Variants in PPP4R1 observed in about 807,000 individuals in gnomAD.
PPP4R1 encodes serine/threonine-protein phosphatase 4 regulatory subunit 1.
In PPP4R1, 42 loss-of-function variants were observed where a neutral mutation model predicts 111.2. The ratio of observed to expected loss-of-function variants is 0.38; its 90% CI spans 0.29 to 0.49. The LOEUF (loss-of-function observed/expected upper bound fraction) is 0.49, where lower values mean the gene tolerates loss of function less well. Ranked by LOEUF, PPP4R1 falls within the 20% of genes least tolerant of loss-of-function variation. The pLI is 0.97. For synonymous variants in PPP4R1, 409 were observed against 405.5 expected (o/e 1.01, Z -0.10); for missense variants, 1,012 against 1,161.6 (o/e 0.87, Z 1.87).
At chr18:9,606,742 C>T (rs990590843) in intron 2 of PPP4R1, among the ~76,000 whole-genome samples, 4 of 151,810 alleles carry the variant, frequency 2.6e-5, no homozygotes, top group Non-Finnish European at 4.4e-5. Context: ...ACAGTAGTGG[C>T]ATGTTTATCT....
chr18:9,568,855 G>A (rs1598910323), intron 11 of PPP4R1, among the ~76,000 whole-genome samples: 1 of 152,136 alleles, frequency 6.6e-6, no homozygotes, highest in Non-Finnish European at 1.5e-5. Flanking sequence ...GGCCAATATG[G>A]TGAAACCTGT....
Position 9,570,354 on chromosome 18 carries a change from C to A in PPP4R1, c.1376G>T (p.Trp459Leu). 6.2e-7 allele frequency: 1 copy of A among 1,611,442 alleles called. No individual in the cohort carries two copies. Among genetic ancestry groups the A allele is most frequent in the Non-Finnish European group, 8.5e-7 (1 of 1,178,870 alleles). The change falls in exon 11 of 20, where the codon TGG becomes TTG. Residue 459 changes from tryptophan (W) to leucine (L), a missense_variant. Transcript: ENST00000400556. ...ATCTATTTCAGGAAGAGGAGTCCTC[C>A]AGAAATGGAAGGAGTTATACAATTC... ...DQELYNSFHF[W>L]RTPLPEIDLD... is the part of the protein sequence containing the mutation.
In PPP4R1 at chr18:9,583,189, T is replaced by C. The variant is rs369829971; in HGVS notation, c.846A>G (p.Ala282=). Residue 282 remains alanine (A), a synonymous_variant, in exon 9 of 20, where the codon GCA becomes GCG. Transcript: ENST00000400556. ...TGGTCCGTCGGATTTCTTGACATGT[T>C]GCACATGAAACCGCCATGAAGCATT... ...CAECFMAVSC[A]TCQEIRRTKL... is the part of the protein sequence containing the mutation. 1.1e-5 allele frequency: 17 copies of C among 1,612,170 alleles called. No homozygotes were observed. In the African/African-American group the frequency reaches 1.9e-4, roughly 18 times the overall value.
rs571133731 is a variant in PPP4R1, at chr18:9,579,462, C to T, written c.919-2271G>A. ...CTTCCCCAAATGGCTTAACATTGTTCGGACAAAAGACTATCTTGTCTTTTT... is the reference window on the plus strand; with the variant it reads ...CTTCCCCAAATGGCTTAACATTGTTTGGACAAAAGACTATCTTGTCTTTTT... On this transcript the variant is annotated intron_variant, in intron 9 of 19. Coordinates refer to ENST00000400556, the MANE Select transcript of PPP4R1 (RefSeq NM_001042388.3). Among the ~76,000 whole-genome samples the T allele has an allele frequency of 5.9e-5, 9 of 151,924 alleles. No homozygotes were observed. The East Asian group carries it at 7.7e-4, about 13-fold the overall frequency.
Position 9,564,823 on chromosome 18 carries a change from CTT to C in PPP4R1, c.1574-1275_1574-1274del, listed in dbSNP as rs35434912. 2.2e-3 allele frequency among the ~76,000 whole-genome samples: 306 copies of C among 141,710 alleles called. 1 individual carries two copies. The highest frequency in any genetic ancestry group is 3.8e-3 in the Non-Finnish European group (251 of 65,452). 93.0% of individuals were successfully genotyped at this position (141,710 alleles called of 152,430 possible). A position where few individuals can be genotyped will look rare whatever the true frequency, so the allele number is the denominator to read the frequency against. ...GCACTTTGTAGATACTACACTTTGG[CTT>C]TTTTTTTTTTTCTTTAAAGAGGTGA... On this transcript the variant is annotated intron_variant, in intron 11 of 19. Coordinates refer to ENST00000400556, the MANE Select transcript of PPP4R1 (RefSeq NM_001042388.3).
At chr18:9,605,703 G>C (rs2145332614) in intron 2 of PPP4R1, among the ~76,000 whole-genome samples, 1 of 151,744 alleles carries the variant, frequency 6.6e-6, no homozygotes, top group Non-Finnish European at 1.5e-5. Flanking sequence ...TTCCAAACTA[G>C]TAAGTTTGTA....
intron 2 of PPP4R1, among the ~76,000 whole-genome samples, chr18:9,597,657 T>C (rs1304943065): frequency 1.3e-5 from 2 of 152,254 alleles, no homozygotes; most frequent in African/African-American, 2.4e-5. Context: ...ATAATTCTCC[T>C]GGTTTTGCCT....
At chr18:9,556,003 A>AAC (rs1555665992) in intron 15 of PPP4R1, among the ~76,000 whole-genome samples, 14 of 38,516 alleles carry the variant, frequency 3.6e-4, no homozygotes, top group Non-Finnish European at 7.3e-4. Flanking sequence ...CAAACAAAAA[A>AAC]ACACAAAATC....
At chr18:9,594,813 TG>T (rs2067266223) in intron 3 of PPP4R1, 1 of 475,952 alleles carries the variant, frequency 2.1e-6, no homozygotes. Flanking sequence ...TTTTTTTTTT[TG>T]CAAAGAAAGC....
In PPP4R1 at chr18:9,570,361, G is replaced by A. The variant is rs1390078384; in HGVS notation, c.1369C>T (p.His457Tyr). Reference protein sequence around the residue: ...LLDQELYNSFHFWRTPLPEID... With the variant: ...LLDQELYNSFYFWRTPLPEID... ...TCAGGAAGAGGAGTCCTCCAGAAAT[G>A]GAAGGAGTTATACAATTCCTGATCT... is the stretch of plus-strand genomic sequence containing the variant. The change falls in exon 11 of 20, where the codon CAT becomes TAT. Residue 457 changes from histidine to tyrosine, a missense_variant. Physicochemically the swap from His to Tyr is moderately conservative, Grantham distance 83 (BLOSUM62 2). Transcript: ENST00000400556. The A allele has an allele frequency of 1.9e-5, 30 of 1,611,868 alleles. No homozygotes were observed. Among genetic ancestry groups the A allele is most frequent in the Non-Finnish European group, 2.5e-5 (29 of 1,179,078 alleles).
At chr18:9,563,675 A>C in intron 11 of PPP4R1, 125 bp from the exon 12 acceptor site, 1 of 911,146 alleles carries the variant, frequency 1.1e-6, no homozygotes, top group Admixed American at 3.7e-5. Context: ...GCAATCAAAA[A>C]GCTGGAAAAA....
In PPP4R1 at chr18:9,614,216, G is replaced by C; in HGVS notation, c.52+10C>G. On this transcript the variant is annotated intron_variant, in intron 2 of 19. Coordinates refer to ENST00000400556, the MANE Select transcript of PPP4R1 (RefSeq NM_001042388.3). This position sits in a 1 kb window ranked among gnomAD's most constrained non-coding sequence, Gnocchi z 4.1. ...GGACTGCCAGGCCACCGCGAGGCCG[G>C]GCCACTCACATCCGTCTGCGTCCTC... The C allele has an allele frequency of 6.6e-6, 9 of 1,365,960 alleles. No homozygotes were observed. Among genetic ancestry groups the C allele is most frequent in the Non-Finnish European group, 6.7e-6 (7 of 1,046,354 alleles). 84.6% of individuals were successfully genotyped at this position (1,365,960 alleles called of 1,614,324 possible). A position where few individuals can be genotyped will look rare whatever the true frequency, so the allele number is the denominator to read the frequency against.
intron 13 of PPP4R1, among the ~76,000 whole-genome samples, chr18:9,560,671 T>C (rs2066658329): frequency 6.6e-6 from 1 of 152,198 alleles, no homozygotes; most frequent in African/African-American, 2.4e-5. Flanking sequence ...CACTATTGTT[T>C]TGAATACTGA....
intron 2 of PPP4R1, among the ~76,000 whole-genome samples, chr18:9,595,949 C>T (rs2067283402): frequency 6.6e-6 from 1 of 152,124 alleles, no homozygotes. Context: ...TACTTTTGTG[C>T]CATGCTGTGT....
At position 9,583,172 on chromosome 18, in the gene PPP4R1, C is replaced by T. The variant is rs375908041; in HGVS notation, c.863G>A (p.Arg288Gln). 66 of 1,612,142 alleles carry T rather than the reference C, an allele frequency of 4.1e-5. No individual in the cohort carries two copies. The highest frequency in any genetic ancestry group is 8.0e-5 in the African/African-American group (6 of 74,988). The change falls in exon 9 of 20, where the codon CGA becomes CAA. Residue 288 changes from arginine to glutamine, a missense_variant. Arg to Gln is a conservative substitution (Grantham distance 43). Transcript: ENST00000400556. ...AAAAAGTGCTGATAATTTGGTCCGT[C>T]GGATTTCTTGACATGTTGCACATGA... ...AVSCATCQEI[R>Q]RTKLSALFIN...
At chr18:9,554,214 A>G (rs380032) in intron 15 of PPP4R1, among the ~76,000 whole-genome samples, 120,714 of 150,508 alleles carry the variant, frequency 0.8, 48,437 homozygotes, top group Middle Eastern at 0.82. Flanking sequence ...TGCAACCTCC[A>G]CCTCCCAGGT....
At chr18:9,590,436 G>C (rs7239728) in intron 4 of PPP4R1, among the ~76,000 whole-genome samples, 55,548 of 152,016 alleles carry the variant, frequency 0.37, 11,200 homozygotes, top group East Asian at 0.54. Flanking sequence ...TCTCATGGAT[G>C]CTGAATTTTC....
intron 6 of PPP4R1, chr18:9,587,635 G>C (rs2067142009): frequency 6.5e-6 from 1 of 152,774 alleles, no homozygotes; most frequent in South Asian, 2.1e-4. Flanking sequence ...CAAACCCCTG[G>C]TCTCAAGTGA....
intron 2 of PPP4R1, among the ~76,000 whole-genome samples, chr18:9,602,760 G>C: frequency 6.6e-6 from 1 of 150,684 alleles, no homozygotes; most frequent in Non-Finnish European, 1.5e-5. Flanking sequence ...GAAGGAAGTT[G>C]CAGCGAGCTG....
Sources: allele counts gnomAD v4.1 joint callset (sites outside exome capture counted in the v4.1 genomes callset), GRCh38; gene constraint gnomAD v4.1.1; non-coding constraint Gnocchi (gnomAD v3.1); transcripts MANE v1.5; gene names NCBI Gene and HGNC (gene_info 2026-07-23, HGNC 2026-07-21).